PLXNA4: variants seen among roughly 807,000 people sequenced by gnomAD.
The protein encoded by PLXNA4 is plexin-A4.
In PLXNA4, 44 loss-of-function variants were observed where a neutral mutation model predicts 191.8. The ratio of observed to expected loss-of-function variants is 0.23; its 90% CI spans 0.18 to 0.29. The LOEUF is 0.29. PLXNA4 is among the 10% of genes least tolerant of loss of function. The pLI is 1.00. For synonymous variants in PLXNA4, 1,082 were observed against 1,009.5 expected, an observed-to-expected ratio of 1.07 and a Z score of -1.36; for missense variants, 1,800 against 2,488.8, an observed-to-expected ratio of 0.72 and a Z score of 5.89.
At chr7:132,229,454 G>T (rs1463897045) in intron 5 of PLXNA4, among the ~76,000 whole-genome samples, 1 of 152,198 alleles carries the variant, frequency 6.6e-6, no homozygotes, top group African/African-American at 2.4e-5. Flanking sequence ...TCCAAGTCAG[G>T]TGAACTTTGT....
chr7:132,474,214 T>TCACACACACACACACACA (rs56832356), intron 3 of PLXNA4, among the ~76,000 whole-genome samples: 71 of 140,302 alleles, frequency 5.1e-4, no homozygotes, highest in Middle Eastern at 3.8e-3. Flanking sequence ...TCTCTCTGTC[T>TCACACACACACACACACA]CACACACACA....
chr7:132,554,176 AAC>A (rs1186021287), intron 1 of PLXNA4, among the ~76,000 whole-genome samples: 1 of 152,210 alleles, frequency 6.6e-6, no homozygotes, highest in Non-Finnish European at 1.5e-5. Context: ...GAATATCTGA[AAC>A]ACAGGCTGTT....
At chr7:132,634,142 C>T (rs1029434316) in intron 2 of PLXNA4, among the ~76,000 whole-genome samples, 1 of 152,130 alleles carries the variant, frequency 6.6e-6, no homozygotes, top group African/African-American at 2.4e-5. Flanking sequence ...CATCTAAACC[C>T]TTGGCCCATT....
chr7:132,589,334 A>G (rs1802563306), intron 2 of PLXNA4, among the ~76,000 whole-genome samples: 1 of 152,162 alleles, frequency 6.6e-6, no homozygotes, highest in African/African-American at 2.4e-5. Context: ...ACTATATTAA[A>G]TTATAACTAT....
intron 3 of PLXNA4, among the ~76,000 whole-genome samples, chr7:132,442,040 G>A (rs966687013): frequency 6.6e-6 from 1 of 152,188 alleles, no homozygotes; most frequent in African/African-American, 2.4e-5. Context: ...CAAGACAAGG[G>A]CACAGATCTT....
chr7:132,362,153 T>A (rs1192557214), intron 3 of PLXNA4, among the ~76,000 whole-genome samples: 1 of 152,172 alleles, frequency 6.6e-6, no homozygotes, highest in Non-Finnish European at 1.5e-5. Flanking sequence ...TTTAGAGGAC[T>A]TTATACATCA....
intron 1 of PLXNA4, among the ~76,000 whole-genome samples, chr7:132,509,712 C>T (rs920061987): frequency 1.2e-4 from 18 of 152,286 alleles, no homozygotes; most frequent in Non-Finnish European, 5.9e-5. Flanking sequence ...GATCCCTTCT[C>T]GGGGCTGTCC....
upstream of PLXNA4, among the ~76,000 whole-genome samples, chr7:132,581,623 C>T (rs571951533): frequency 1.7e-4 from 26 of 152,338 alleles, no homozygotes; most frequent in Non-Finnish European, 2.6e-4. Flanking sequence ...AAGGGCACCT[C>T]CACCCGGCTG....
chr7:132,508,610 C>A lies in PLXNA4; in HGVS notation c.84G>T (p.Arg28=). The change falls in exon 2 of 32, where the codon CGG becomes CGT. Residue 28 remains arginine, a synonymous_variant. Transcript: ENST00000321063. The surrounding 1 kb of genome is among the most constrained non-coding windows in gnomAD (Gnocchi z 4.4). The part of the protein sequence containing the change: ...VGMGSSTLLT[R]QPAPLSQKQR... ...GCTTCTGGGACAGCGGGGCTGGCTG[C>A]CGGGTGAGCAAAGTGGAGGAGCCCA... 2 of 1,611,948 alleles carry A rather than the reference C, an allele frequency of 1.2e-6. No individual in the cohort carries two copies. Among genetic ancestry groups the A allele is most frequent in the Non-Finnish European group, 1.7e-6 (2 of 1,178,854 alleles).
chr7:132,600,638 G>A (rs12669499), intron 2 of PLXNA4, among the ~76,000 whole-genome samples: 6,422 of 152,262 alleles, frequency 0.042, 541 homozygotes, highest in East Asian at 0.28. Context: ...CTCCCAAAGT[G>A]CTGGGATTAC....
intron 1 of PLXNA4, among the ~76,000 whole-genome samples, chr7:132,568,341 G>C (rs1375512550): frequency 1.3e-5 from 2 of 152,174 alleles, no homozygotes; most frequent in Non-Finnish European, 2.9e-5. Flanking sequence ...TCAGAAATCG[G>C]ATTGGCACCC....
rs1232838932 is a variant in PLXNA4, at chr7:132,124,716, A to G, written c.*5763T>C. On this transcript the variant is annotated 3_prime_UTR_variant, in exon 32 of 32. Coordinates refer to ENST00000321063, the MANE Select transcript of PLXNA4 (RefSeq NM_020911.2). ...TGTAGGATTCGGCAGTACCAGGGGC[A>G]GCCCAGAGAGCCAAGCATAGACATC... 1 of 152,264 alleles carries G rather than the reference A, an allele frequency of 6.6e-6. No individual in the cohort carries two copies. The highest frequency in any genetic ancestry group is 1.5e-5 in the Non-Finnish European group (1 of 68,050). The allele number at this position is 152,264 out of a possible 1,614,324, so 9.4% of individuals were successfully genotyped here. A position where few individuals can be genotyped will look rare whatever the true frequency, so the allele number is the denominator to read the frequency against.
intron 3 of PLXNA4, among the ~76,000 whole-genome samples, chr7:132,447,209 C>A (rs1171028687): frequency 6.6e-6 from 1 of 152,164 alleles, no homozygotes; most frequent in Admixed American, 6.5e-5. Context: ...TAGCGCATCA[C>A]CTGGATAAGC....
chr7:132,523,622 G>T (rs1799278051), intron 1 of PLXNA4, among the ~76,000 whole-genome samples: 1 of 152,192 alleles, frequency 6.6e-6, no homozygotes, highest in Non-Finnish European at 1.5e-5. Flanking sequence ...ACATGGTCAG[G>T]GTCTATGGCT....
intron 31 of PLXNA4, among the ~76,000 whole-genome samples, 193 bp from the exon 32 acceptor site, chr7:132,130,767 G>A (rs1794904126): frequency 6.6e-6 from 1 of 152,192 alleles, no homozygotes; most frequent in Non-Finnish European, 1.5e-5. Context: ...CATAGCATGT[G>A]AGCATCAGCA....
intron 22 of PLXNA4, among the ~76,000 whole-genome samples, chr7:132,166,361 C>T (rs1447640731): frequency 6.7e-6 from 1 of 148,886 alleles, no homozygotes; most frequent in Non-Finnish European, 1.5e-5. Context: ...AGCCCATCTA[C>T]TCTTTTACTT....
At chr7:132,209,616 C>A (rs960359248) in intron 10 of PLXNA4, among the ~76,000 whole-genome samples, 1 of 152,104 alleles carries the variant, frequency 6.6e-6, no homozygotes, top group Non-Finnish European at 1.5e-5. Flanking sequence ...AGAGCAGTGA[C>A]CAGTTCTATC....
chr7:132,609,298 C>T (rs1182899508), intron 2 of PLXNA4, among the ~76,000 whole-genome samples: 4 of 152,028 alleles, frequency 2.6e-5, no homozygotes, highest in African/African-American at 7.2e-5. Context: ...GAGTGGTCAG[C>T]GACAAACTGT....
chr7:132,516,220 TTTTATTTATTTA>T (rs58035948), intron 1 of PLXNA4, among the ~76,000 whole-genome samples: 45,965 of 148,252 alleles, frequency 0.31, 7,248 homozygotes, highest in South Asian at 0.35. Context: ...CATTTTGTCC[TTTTATTTATTTA>T]TTTATTTATT....
Sources: gnomAD v4.1 joint callset for allele counts (sites outside exome capture counted in the v4.1 genomes callset) on GRCh38, gnomAD v4.1.1 for gene constraint, Gnocchi (gnomAD v3.1) non-coding constraint, MANE v1.5 for transcripts, NCBI Gene and HGNC (gene_info 2026-07-23, HGNC 2026-07-21) for gene names.